The following ZNF133 variants were observed in gnomAD, a reference collection of about 807,000 sequenced individuals.
The protein encoded by ZNF133 is zinc finger protein 133.
ZNF133 carries 26 observed loss-of-function variants against 54.9 expected under a neutral mutation model. The ratio of observed to expected loss-of-function variants is 0.47; its 90% CI spans 0.35 to 0.66. The LOEUF is 0.66. Among genes scored for constraint, ZNF133 ranks in the 30% least tolerant of loss-of-function variants. The pLI is 0.01. For synonymous variants in ZNF133, 298 were observed against 320.3 expected (o/e 0.93, Z 0.74); for missense variants, 653 against 820.8 (o/e 0.80, Z 2.50).
intron 6 of ZNF133, among the ~76,000 whole-genome samples, chr20:18,307,196 T>C (rs1244828575): frequency 6.6e-6 from 1 of 152,224 alleles, no homozygotes; most frequent in Non-Finnish European, 1.5e-5. Flanking sequence ...AAATAGTCTT[T>C]AACTTATCCA....
chr20:18,299,516 ATTGT>A lies in ZNF133; in HGVS notation c.-178+1056_-178+1059del, dbSNP rs1255276379. Among the ~76,000 whole-genome samples, 14 of 152,324 alleles carry A rather than the reference ATTGT, an allele frequency of 9.2e-5. No individual in the cohort carries two copies. In the East Asian group the frequency reaches 2.5e-3, roughly 27 times the overall value. On this transcript the variant is annotated intron_variant, in intron 3 of 6. Transcript: ENST00000425686. ...GAGAAGACAAAAAAGGGACAGAGAG[ATTGT>A]TTGAAGAAATAATGGCTGACAACTT...
intron 1 of ZNF133, 95 bp from the exon 2 acceptor site, chr20:18,297,890 C>A (rs565033806): frequency 8.2e-6 from 6 of 727,872 alleles, no homozygotes; most frequent in South Asian, 1.8e-5. Context: ...TATGCCACTG[C>A]GCCCCCAGTT....
At chr20:18,311,983 A>G (rs952891518) in intron 6 of ZNF133, among the ~76,000 whole-genome samples, 1 of 152,198 alleles carries the variant, frequency 6.6e-6, no homozygotes, top group Non-Finnish European at 1.5e-5. Flanking sequence ...GCTTAGGACC[A>G]TAAGTGTTTC....
rs571327029 is a variant in ZNF133 at position 18,296,136 on chromosome 20, A to G, written c.-431-1849A>G. Among the ~76,000 whole-genome samples, 16 of 152,264 alleles carry G rather than the reference A, an allele frequency of 1.1e-4. No individual in the cohort carries two copies. The South Asian group carries it at 3.1e-3, about 30-fold the overall frequency. ...CTACCTTATCAGGACACAATGCCCT[A>G]TAACATTAGCACATGTTTTCCTCCT... is the stretch of plus-strand genomic sequence containing the variant. On this transcript the variant is annotated intron_variant, in intron 1 of 6. Coordinates refer to ENST00000425686, the MANE Select transcript of ZNF133 (RefSeq NM_001352452.2).
intron 6 of ZNF133, among the ~76,000 whole-genome samples, chr20:18,311,694 A>C (rs905403634): frequency 6.6e-6 from 1 of 152,216 alleles, no homozygotes; most frequent in Admixed American, 6.5e-5. Flanking sequence ...TTTAACAAAA[A>C]TATTTATTCT....
rs745858994 is a variant in ZNF133 at position 18,306,353 on chromosome 20, C to T, written c.177C>T (p.Thr59=). 1.2e-6 allele frequency: 2 copies of T among 1,613,736 alleles called. No individual in the cohort carries two copies. Among genetic ancestry groups the T allele is most frequent in the East Asian group, 2.2e-5 (1 of 44,866 alleles). ...LITQLEQGKE[T]WREEKKCSPA... ...CCCAGCTGGAGCAAGGGAAAGAGAC[C>T]TGGAGAGAGGAAAAAAAATGTTCAC... The change falls in exon 6 of 7, where the codon ACC becomes ACT. Residue 59 remains threonine (T), a synonymous_variant. Transcript: ENST00000425686.
chr20:18,311,199 T>C (rs2045853833), intron 6 of ZNF133, among the ~76,000 whole-genome samples: 1 of 152,130 alleles, frequency 6.6e-6, no homozygotes, highest in African/African-American at 2.4e-5. Flanking sequence ...TGTGTGCCTG[T>C]AGTCCCAGCT....
chr20:18,296,861 C>G (rs1412796570), intron 1 of ZNF133, among the ~76,000 whole-genome samples: 1 of 152,142 alleles, frequency 6.6e-6, no homozygotes, highest in African/African-American at 2.4e-5. Flanking sequence ...TGAGGGTATA[C>G]CACATTTTAC....
chr20:18,309,617 C>T (rs1434913585), intron 6 of ZNF133, among the ~76,000 whole-genome samples: 1 of 152,182 alleles, frequency 6.6e-6, no homozygotes, highest in Non-Finnish European at 1.5e-5. Flanking sequence ...GAGTCTTAGC[C>T]AGAGGCTCAG....
intron 1 of ZNF133, chr20:18,289,810 T>G (rs2040534070): frequency 6.6e-6 from 1 of 152,282 alleles, no homozygotes; most frequent in African/African-American, 2.4e-5. Context: ...GTCAACAGCA[T>G]ATCAGGGCAG....
At chr20:18,303,287 T>C (rs1401108261) in intron 3 of ZNF133, among the ~76,000 whole-genome samples, 1 of 152,160 alleles carries the variant, frequency 6.6e-6, no homozygotes, top group African/African-American at 2.4e-5. Context: ...CCTCAGGTGA[T>C]CCACCTGCCT....
At chr20:18,301,207 G>T (rs1018065682) in intron 3 of ZNF133, among the ~76,000 whole-genome samples, 1 of 152,134 alleles carries the variant, frequency 6.6e-6, no homozygotes, top group Non-Finnish European at 1.5e-5. Context: ...AACTACAAGG[G>T]AAATTAGACC....
At chr20:18,306,862 AT>A in intron 6 of ZNF133, 1 of 866,384 alleles carries the variant, frequency 1.2e-6, no homozygotes, top group Non-Finnish European at 1.5e-6. Flanking sequence ...TGTTATATAA[AT>A]ATCTATATAA....
Position 18,315,183 on chromosome 20 carries a change from T to C in ZNF133, c.332T>C (p.Leu111Ser). 2 of 1,613,590 alleles carry C rather than the reference T, an allele frequency of 1.2e-6. No homozygotes were observed. The highest frequency in any genetic ancestry group is 1.1e-5 in the South Asian group (1 of 91,016). The change falls in exon 7 of 7, where the codon TTG becomes TCG. Residue 111 changes from leucine (L) to serine (S), a missense_variant. Leu to Ser is a moderately radical substitution (Grantham distance 145, BLOSUM62 -2). Coordinates refer to ENST00000425686, the MANE Select transcript of ZNF133 (RefSeq NM_001352452.2). ...CNHPPWIFTC[L>S]CAEGNIQPGD... ...CATCCCCCCTGGATCTTCACATGCT[T>C]GTGTGCAGAAGGTAACATCCAGCCT...
chr20:18,292,188 C>T (rs1470014046), intron 1 of ZNF133, among the ~76,000 whole-genome samples: 2 of 152,156 alleles, frequency 1.3e-5, no homozygotes, highest in Non-Finnish European at 2.9e-5. Context: ...TTTGTTTCTG[C>T]CTATGTCCCG....
chr20:18,293,395 C>T (rs1467340518), intron 1 of ZNF133, among the ~76,000 whole-genome samples: 1 of 152,234 alleles, frequency 6.6e-6, no homozygotes, highest in Non-Finnish European at 1.5e-5. Context: ...CAGCAGGCCT[C>T]ACTCTCTCCA....
At chr20:18,306,538 C>T (rs2044653690) in intron 6 of ZNF133, 145 bp downstream of exon 6, 2 of 928,312 alleles carry the variant, frequency 2.2e-6, no homozygotes, top group South Asian at 1.7e-5. Context: ...CACGGCCTCC[C>T]TTCCAGATCT....
chr20:18,296,732 C>T (rs904687874), intron 1 of ZNF133, among the ~76,000 whole-genome samples: 8 of 152,204 alleles, frequency 5.3e-5, no homozygotes, highest in African/African-American at 9.7e-5. Flanking sequence ...TGAACATGAG[C>T]GCACAAGTAT....
At chr20:18,306,754 C>T in intron 6 of ZNF133, 1 of 1,321,174 alleles carries the variant, frequency 7.6e-7, no homozygotes, top group South Asian at 1.3e-5. Context: ...GAAGGCAAGC[C>T]CAGTGGGAGG....
Sources: allele counts gnomAD v4.1 joint callset (sites outside exome capture counted in the v4.1 genomes callset), GRCh38; gene constraint gnomAD v4.1.1; transcripts MANE v1.5; gene names NCBI Gene and HGNC (gene_info 2026-07-23, HGNC 2026-07-21).